SAE1: variants seen among roughly 807,000 people sequenced by gnomAD.
SAE1 encodes SUMO-activating enzyme subunit 1.
Under a neutral mutation model 40.6 loss-of-function variants are expected in SAE1, and 11 were observed. The observed-to-expected ratio is 0.27, with a 90% CI of 0.17 to 0.45. The LOEUF (loss-of-function observed/expected upper bound fraction) is 0.45, where lower values mean the gene tolerates loss of function less well. Among genes scored for constraint, SAE1 ranks in the 20% least tolerant of loss-of-function variants. The pLI is 1.00. For synonymous variants in SAE1, 155 were observed against 154.3 expected, an observed-to-expected ratio of 1.00 and a Z score of -0.03; for missense variants, 373 against 427.3, an observed-to-expected ratio of 0.87 and a Z score of 1.12.
chr19:47,179,474 T>G (rs1331769416), intron 6 of SAE1, among the ~76,000 whole-genome samples: 2 of 150,642 alleles, frequency 1.3e-5, no homozygotes, highest in Non-Finnish European at 3.0e-5. Flanking sequence ...TCCATTGCAC[T>G]CCAGCCTGGG....
intron 7 of SAE1, among the ~76,000 whole-genome samples, chr19:47,199,044 G>A (rs1244555357): frequency 1.3e-5 from 2 of 151,968 alleles, no homozygotes; most frequent in Admixed American, 1.3e-4. Flanking sequence ...AACCAAGATT[G>A]CACCACTGCA....
intron 6 of SAE1, among the ~76,000 whole-genome samples, chr19:47,171,067 TG>T (rs2123255153): frequency 6.8e-6 from 1 of 147,726 alleles, no homozygotes; most frequent in Admixed American, 6.8e-5. Flanking sequence ...CTCTGCCTCC[TG>T]GGTTCAAGCG....
intron 6 of SAE1, among the ~76,000 whole-genome samples, chr19:47,182,492 TGTGTGCGCGCACGCAC>T (rs1416216081): frequency 1.4e-5 from 2 of 140,320 alleles, no homozygotes; most frequent in Admixed American, 1.5e-4. Context: ...TGTGTGTGTG[TGTGTGCGCGCACGCAC>T]GCGCGCGCGC....
At chr19:47,163,258 A>G (rs1327543261) in intron 5 of SAE1, among the ~76,000 whole-genome samples, 1 of 151,916 alleles carries the variant, frequency 6.6e-6, no homozygotes, top group African/African-American at 2.4e-5. Context: ...ATCCAAAAAA[A>G]AAAAAAGAAA....
chr19:47,163,931 G>A (rs1030230782), intron 5 of SAE1, among the ~76,000 whole-genome samples: 9 of 151,556 alleles, frequency 5.9e-5, no homozygotes, highest in Admixed American at 4.6e-4. Context: ...TACCACACCC[G>A]GCTAAGTTTT....
intron 7 of SAE1, among the ~76,000 whole-genome samples, chr19:47,201,488 C>T (rs2058655101): frequency 7.0e-6 from 1 of 143,108 alleles, no homozygotes; most frequent in Non-Finnish European, 1.5e-5. Context: ...TCTTTTGCCT[C>T]AGCCTCTGGA....
At chr19:47,192,393 C>T (rs1477231016) in intron 6 of SAE1, among the ~76,000 whole-genome samples, 6 of 151,934 alleles carry the variant, frequency 3.9e-5, no homozygotes, top group East Asian at 3.9e-4. Context: ...GGATTAAAAG[C>T]GTCCGCCACC....
intron 5 of SAE1, among the ~76,000 whole-genome samples, chr19:47,167,569 A>G (rs1279447298): frequency 6.6e-6 from 1 of 152,122 alleles, no homozygotes; most frequent in Admixed American, 6.6e-5. Context: ...TGTCAAATCT[A>G]TATGCATCCT....
intron 6 of SAE1, among the ~76,000 whole-genome samples, chr19:47,173,453 A>G (rs978609502): frequency 2.2e-4 from 34 of 152,124 alleles, no homozygotes; most frequent in African/African-American, 8.2e-4. Flanking sequence ...GCTCCTAGAT[A>G]TCAGTTTTGT....
At chr19:47,176,167 A>G (rs938363803) in intron 6 of SAE1, among the ~76,000 whole-genome samples, 1 of 152,220 alleles carries the variant, frequency 6.6e-6, no homozygotes, top group Non-Finnish European at 1.5e-5. Context: ...CGTAAATGGT[A>G]GGGGAAGAGC....
At chr19:47,174,808 C>T (rs694405) in intron 6 of SAE1, among the ~76,000 whole-genome samples, 1 of 151,564 alleles carries the variant, frequency 6.6e-6, no homozygotes, top group African/African-American at 2.4e-5. Flanking sequence ...GTTCTGACCT[C>T]GTGATCCGCC....
intron 6 of SAE1, among the ~76,000 whole-genome samples, chr19:47,177,649 G>C (rs892615034): frequency 6.6e-6 from 1 of 152,170 alleles, no homozygotes; most frequent in Non-Finnish European, 1.5e-5. Context: ...CTATAGGAAA[G>C]CACCACCCTG....
At chr19:47,173,766 T>C (rs1469762363) in intron 6 of SAE1, among the ~76,000 whole-genome samples, 1 of 150,844 alleles carries the variant, frequency 6.6e-6, no homozygotes, top group Non-Finnish European at 1.5e-5. Flanking sequence ...GCCAGTTGAC[T>C]CCTTTCTTTT....
At chr19:47,139,848 G>T (rs1053107470) in intron 1 of SAE1, among the ~76,000 whole-genome samples, 1 of 146,748 alleles carries the variant, frequency 6.8e-6, no homozygotes, top group African/African-American at 2.5e-5. Context: ...TGATCTGCCC[G>T]CCTTGGCCTC....
intron 8 of SAE1, among the ~76,000 whole-genome samples, chr19:47,208,957 T>TC (rs1197616321): frequency 1.3e-5 from 2 of 152,116 alleles, no homozygotes; most frequent in African/African-American, 4.8e-5. Context: ...TTAAATAATC[T>TC]CCCCATGGAC....
intron 7 of SAE1, among the ~76,000 whole-genome samples, chr19:47,201,252 T>C (rs2123319569): frequency 6.6e-6 from 1 of 150,892 alleles, no homozygotes; most frequent in African/African-American, 2.4e-5. Flanking sequence ...TTTCACCATA[T>C]TGGCCAGACT....
In SAE1 at chr19:47,179,004, T is replaced by C. The variant is rs1394655584; in HGVS notation, c.733+9081T>C. Among the ~76,000 whole-genome samples, 4 of 151,494 alleles carry C rather than the reference T, an allele frequency of 2.6e-5. No homozygotes were observed. The East Asian group carries it at 7.8e-4, about 30-fold the overall frequency. On this transcript the variant is annotated intron_variant, in intron 6 of 8. Coordinates refer to ENST00000270225, the MANE Select transcript of SAE1 (RefSeq NM_005500.3). ...GTCAGGAGATCGAGACCATCCTGGC[T>C]GACACGGTGAAACCTCGTCTCTACT...
chr19:47,198,012 T>C (rs1208610802), intron 7 of SAE1, among the ~76,000 whole-genome samples: 3 of 152,158 alleles, frequency 2.0e-5, no homozygotes, highest in Non-Finnish European at 4.4e-5. Context: ...ACTTGGACAC[T>C]CCATGCTTTC....
At chr19:47,147,227 T>TTTTTTTG (rs2058260012) in intron 2 of SAE1, among the ~76,000 whole-genome samples, 1 of 96,350 alleles carries the variant, frequency 1.0e-5, no homozygotes, top group African/African-American at 4.7e-5. Context: ...TTTTTTTTTT[T>TTTTTTTG]GAGGCAGTCT....
Sources: allele counts gnomAD v4.1 joint callset (sites outside exome capture counted in the v4.1 genomes callset), GRCh38; gene constraint gnomAD v4.1.1; transcripts MANE v1.5; gene names NCBI Gene and HGNC (gene_info 2026-07-23, HGNC 2026-07-21).